The following AKT3 variants were observed in gnomAD, a reference collection of about 807,000 sequenced individuals.
AKT3 encodes RAC-gamma serine/threonine-protein kinase.
Under a neutral mutation model 65.3 loss-of-function variants are expected in AKT3, and 15 were observed. The ratio of observed to expected loss-of-function variants is 0.23; its 90% CI spans 0.15 to 0.35. The LOEUF is 0.35. Ranked by LOEUF, AKT3 falls within the 10% of genes least tolerant of loss-of-function variation. The probability of loss-of-function intolerance (pLI) is 1.00; values close to 1 mark genes in which losing one functional copy is unlikely to be tolerated. For missense variants in AKT3, 243 were observed against 576.5 expected (o/e 0.42, Z 5.92); for synonymous variants, 206 against 183.8 (o/e 1.12, Z -0.98).
chr1:243,792,123 T>C (rs147690688), intron 2 of AKT3, among the ~76,000 whole-genome samples: 2,259 of 149,702 alleles, frequency 0.015, 174 homozygotes, highest in Admixed American at 0.14. Context: ...CTTCCTGTAC[T>C]AGGGAACGTT....
At chr1:243,646,110 T>C in intron 4 of AKT3, 73 bp from the exon 5 acceptor site, 2 of 1,281,232 alleles carry the variant, frequency 1.6e-6, no homozygotes, top group African/African-American at 1.5e-5. Flanking sequence ...TTATAAACTA[T>C]GAAATCAATA....
intron 3 of AKT3, among the ~76,000 whole-genome samples, chr1:243,665,278 C>T (rs974652640): frequency 6.6e-6 from 1 of 152,150 alleles, no homozygotes; most frequent in African/African-American, 2.4e-5. Context: ...TGAAACCTTC[C>T]ATAACACCTC....
At chr1:243,659,697 G>C (rs1338557015) in intron 4 of AKT3, among the ~76,000 whole-genome samples, 1 of 152,128 alleles carries the variant, frequency 6.6e-6, no homozygotes, top group Admixed American at 6.6e-5. Context: ...GAAAAAAATA[G>C]AGTCCACCCT....
Position 243,489,957 on chromosome 1 carries a change from C to G in AKT3, c.*7-1507G>C, listed in dbSNP as rs116541918. On this transcript the variant is annotated intron_variant, in intron 13 of 13. Transcript: ENST00000336199. ...GTCAGAGAGGCTGTGCATTTTGCCC[C>G]GTCAAGCAGTTTGTTAGGATAATGA... Among the ~76,000 whole-genome samples, 242 of 152,258 alleles carry G rather than the reference C, an allele frequency of 1.6e-3. 1 individual carries two copies. Among genetic ancestry groups the G allele is most frequent in the Admixed American group, 3.3e-3 (51 of 15,308 alleles).
chr1:243,844,943 A>C (rs1288246461), intron 1 of AKT3, among the ~76,000 whole-genome samples: 3 of 152,202 alleles, frequency 2.0e-5, no homozygotes, highest in Non-Finnish European at 4.4e-5. Context: ...AATGTGGTCC[A>C]GGTACACCAG....
chr1:243,562,452 A>G (rs1017096432), intron 10 of AKT3, among the ~76,000 whole-genome samples: 3 of 152,210 alleles, frequency 2.0e-5, no homozygotes, highest in Non-Finnish European at 2.9e-5. Context: ...ATTTTAAAAG[A>G]GTAAGTTTTA....
intron 2 of AKT3, among the ~76,000 whole-genome samples, chr1:243,828,375 A>G (rs1694303539): frequency 6.6e-6 from 1 of 152,172 alleles, no homozygotes; most frequent in African/African-American, 2.4e-5. Flanking sequence ...ATAAATGGCA[A>G]AGCCAGGATT....
intron 4 of AKT3, among the ~76,000 whole-genome samples, chr1:243,663,400 T>C (rs1682526427): frequency 1.3e-5 from 2 of 151,500 alleles, no homozygotes. Flanking sequence ...TCAGTATTAA[T>C]TATCAAGGGA....
chr1:243,641,319 C>CATAT (rs571477102), intron 5 of AKT3, among the ~76,000 whole-genome samples: 16 of 146,060 alleles, frequency 1.1e-4, no homozygotes, highest in African/African-American at 2.8e-4. Flanking sequence ...TATATACACA[C>CATAT]ATATATATAT....
intron 2 of AKT3, among the ~76,000 whole-genome samples, chr1:243,794,772 G>T (rs1691848230): frequency 6.6e-6 from 1 of 152,188 alleles, no homozygotes; most frequent in Admixed American, 6.5e-5. Context: ...TCAAAAATAA[G>T]AACCCAGCAG....
chr1:243,748,376 T>C (rs867837802), intron 2 of AKT3, among the ~76,000 whole-genome samples: 2 of 151,652 alleles, frequency 1.3e-5, no homozygotes, highest in African/African-American at 2.4e-5. Flanking sequence ...AAGAGTTGGA[T>C]AGACAGTGTT....
At chr1:243,638,077 C>T (rs1680106769) in intron 5 of AKT3, among the ~76,000 whole-genome samples, 1 of 151,938 alleles carries the variant, frequency 6.6e-6, no homozygotes. Flanking sequence ...GTGCTGCTAC[C>T]CCCAGAAAAT....
chr1:243,607,658 A>G (rs1460919108), intron 8 of AKT3, among the ~76,000 whole-genome samples: 3 of 152,156 alleles, frequency 2.0e-5, no homozygotes, highest in Non-Finnish European at 2.9e-5. Context: ...TTAAGACTTT[A>G]AGGGACTGTT....
chr1:243,838,797 A>G (rs930176003), intron 2 of AKT3, among the ~76,000 whole-genome samples: 9 of 152,226 alleles, frequency 5.9e-5, no homozygotes, highest in African/African-American at 2.2e-4. Flanking sequence ...AATATTATTC[A>G]AAGGACAAAG....
chr1:243,521,432 G>C (rs971671377), intron 12 of AKT3, among the ~76,000 whole-genome samples: 3 of 152,152 alleles, frequency 2.0e-5, no homozygotes, highest in Non-Finnish European at 4.4e-5. Context: ...GTATATGTAG[G>C]TGTGCATGTA....
At chr1:243,849,905 A>G (rs980640669) in intron 1 of AKT3, 135 bp downstream of exon 1, 3 of 646,268 alleles carry the variant, frequency 4.6e-6, no homozygotes, top group Admixed American at 6.3e-5. Flanking sequence ...GTGACAACCC[A>G]GAAGCCCCCG....
chr1:243,783,245 C>T (rs1318536492), intron 2 of AKT3, among the ~76,000 whole-genome samples: 1 of 152,202 alleles, frequency 6.6e-6, no homozygotes, highest in African/African-American at 2.4e-5. Flanking sequence ...CTTTCAGCTT[C>T]ACCTCACCCT....
chr1:243,784,507 C>T (rs1012289795), intron 2 of AKT3, among the ~76,000 whole-genome samples: 4 of 151,586 alleles, frequency 2.6e-5, no homozygotes, highest in Admixed American at 6.6e-5. Context: ...AGAAAGGAAA[C>T]GACATCAAAT....
At chr1:243,677,685 C>T (rs957776119) in intron 3 of AKT3, among the ~76,000 whole-genome samples, 41 of 151,660 alleles carry the variant, frequency 2.7e-4, no homozygotes, top group Non-Finnish European at 2.9e-5. Context: ...AGGATTTTTC[C>T]CCCTTGGAGA....
Sources: allele counts gnomAD v4.1 joint callset (sites outside exome capture counted in the v4.1 genomes callset), GRCh38; gene constraint gnomAD v4.1.1; transcripts MANE v1.5; gene names NCBI Gene and HGNC (gene_info 2026-07-23, HGNC 2026-07-21).